Variants in CACNB2 observed in about 807,000 individuals in gnomAD.
CACNB2 encodes calcium voltage-gated channel auxiliary subunit beta 2, also known as voltage-dependent L-type calcium channel subunit beta-2.
CACNB2 carries 42 observed loss-of-function variants against 73.3 expected under a neutral mutation model. The observed-to-expected ratio is 0.57, with a 90% CI of 0.45 to 0.74. The LOEUF (loss-of-function observed/expected upper bound fraction) is 0.74. CACNB2 is among the 30% of genes least tolerant of loss of function. The pLI is 0.00. For missense variants in CACNB2, 940 were observed against 853.0 expected (o/e 1.10, Z -1.27); for synonymous variants, 348 against 310.3 (o/e 1.12, Z -1.28).
intron 2 of CACNB2, among the ~76,000 whole-genome samples, chr10:18,254,719 A>G (rs1364838053): frequency 1.3e-5 from 2 of 152,198 alleles, no homozygotes; most frequent in African/African-American, 4.8e-5. Flanking sequence ...GCAGCCAGAT[A>G]GAGATTTTGT....
At chr10:18,346,748 C>T (rs979768771) in intron 2 of CACNB2, among the ~76,000 whole-genome samples, 2 of 152,060 alleles carry the variant, frequency 1.3e-5, no homozygotes, top group African/African-American at 2.4e-5. Context: ...AGGCATGTGC[C>T]ACCGCGCCTG....
chr10:18,197,977 A>G (rs1248513933), intron 2 of CACNB2, among the ~76,000 whole-genome samples: 1 of 148,170 alleles, frequency 6.7e-6, no homozygotes, highest in Admixed American at 6.8e-5. Flanking sequence ...ACTTAATTAT[A>G]ATTAACATTA....
rs991779169 is a variant in CACNB2 at position 18,507,105 on chromosome 10, A to C, written c.670+558A>C. On this transcript the variant is annotated intron_variant, in intron 6 of 13. Transcript: ENST00000324631. ...TAAGCCACTGCACCCAGCCATATTAACCTTTAATCCCTAGTTCCTGCGATG... is the reference window on the plus strand; with the variant it reads ...TAAGCCACTGCACCCAGCCATATTACCCTTTAATCCCTAGTTCCTGCGATG... Among the ~76,000 whole-genome samples, 3 of 152,134 alleles carry C rather than the reference A, an allele frequency of 2.0e-5. No individual in the cohort carries two copies. The East Asian group carries it at 5.8e-4, about 29-fold the overall frequency.
intron 2 of CACNB2, among the ~76,000 whole-genome samples, chr10:18,193,535 C>A (rs1023806868): frequency 6.6e-6 from 1 of 152,114 alleles, no homozygotes; most frequent in African/African-American, 2.4e-5. Flanking sequence ...GAGATAGATT[C>A]CAGAAGGGCC....
chr10:18,225,533 TTTTTCTTTC>T lies in CACNB2; in HGVS notation c.213+74573_213+74581del, dbSNP rs990302463. Among the ~76,000 whole-genome samples the T allele has an allele frequency of 1.2e-4, 18 of 152,054 alleles. 1 individual carries two copies. The highest frequency in any genetic ancestry group is 5.2e-4 in the Admixed American group (8 of 15,254). Reference sequence around the variant, plus strand: ...AATTTTCTCTCTCTCTTTTCTTTTCTTTTTCTTTCTTTTCTTTCTTTTCCCTCCCTCCCT... The same window carrying T: ...AATTTTCTCTCTCTCTTTTCTTTTCTTTTTCTTTCTTTTCCCTCCCTCCCT... On this transcript the variant is annotated intron_variant, in intron 2 of 13. Coordinates refer to ENST00000324631, the MANE Select transcript of CACNB2 (RefSeq NM_201596.3).
intron 10 of CACNB2, among the ~76,000 whole-genome samples, chr10:18,531,565 TTA>T (rs2053033144): frequency 6.6e-6 from 1 of 152,200 alleles, no homozygotes; most frequent in Non-Finnish European, 1.5e-5. Context: ...ATTCCTATCT[TTA>T]TGTCTTTGAG....
intron 1 of CACNB2, chr10:18,141,063 T>A (rs1221846237): frequency 2.6e-5 from 41 of 1,547,402 alleles, no homozygotes; most frequent in Admixed American, 5.9e-5. Flanking sequence ...CATTTTTCTC[T>A]GCTTCCGAAA....
At chr10:18,221,350 T>C (rs886421659) in intron 2 of CACNB2, among the ~76,000 whole-genome samples, 3 of 152,126 alleles carry the variant, frequency 2.0e-5, no homozygotes, top group Non-Finnish European at 4.4e-5. Context: ...CTATTACTGT[T>C]CTTTCAGAAT....
intron 3 of CACNB2, among the ~76,000 whole-genome samples, chr10:18,413,063 C>A (rs181005022): frequency 6.6e-6 from 1 of 152,232 alleles, no homozygotes; most frequent in South Asian, 2.1e-4. Context: ...TTCTGCCCCC[C>A]GGGTTCAAGT....
intron 2 of CACNB2, among the ~76,000 whole-genome samples, chr10:18,355,793 G>A (rs1037486542): frequency 1.3e-5 from 2 of 151,680 alleles, no homozygotes; most frequent in South Asian, 2.1e-4. Context: ...CTGCCACCAC[G>A]CCTGCCTCAT....
intron 2 of CACNB2, among the ~76,000 whole-genome samples, chr10:18,358,681 A>G (rs1334981797): frequency 6.6e-6 from 1 of 152,138 alleles, no homozygotes; most frequent in East Asian, 1.9e-4. Context: ...TACCATATAA[A>G]TAGAGCAATA....
chr10:18,401,703 A>C (rs2044006688), intron 2 of CACNB2, among the ~76,000 whole-genome samples: 1 of 152,206 alleles, frequency 6.6e-6, no homozygotes, highest in Non-Finnish European at 1.5e-5. Context: ...TGGAATATAA[A>C]GCTTGGGAAG....
At chr10:18,157,126 T>C (rs2032113680) in intron 2 of CACNB2, among the ~76,000 whole-genome samples, 1 of 152,078 alleles carries the variant, frequency 6.6e-6, no homozygotes. Context: ...TTCTTTTAGG[T>C]TGCAGACAAA....
At chr10:18,280,562 A>G (rs1391221150) in intron 2 of CACNB2, among the ~76,000 whole-genome samples, 1 of 152,182 alleles carries the variant, frequency 6.6e-6, no homozygotes, top group Non-Finnish European at 1.5e-5. Flanking sequence ...CACAGGGAGC[A>G]TGTAGCCTCT....
chr10:18,478,089 G>A (rs995296944), intron 3 of CACNB2, among the ~76,000 whole-genome samples: 1 of 152,018 alleles, frequency 6.6e-6, no homozygotes, highest in African/African-American at 2.4e-5. Context: ...CGGCCACCAC[G>A]CTTGGCTAAT....
intron 3 of CACNB2, among the ~76,000 whole-genome samples, chr10:18,402,604 A>G (rs894318658): frequency 6.6e-6 from 1 of 152,176 alleles, no homozygotes; most frequent in Non-Finnish European, 1.5e-5. Flanking sequence ...CCATCTTAAT[A>G]AAGTGTGTAT....
At chr10:18,202,333 G>A (rs570617728) in intron 2 of CACNB2, among the ~76,000 whole-genome samples, 4 of 152,266 alleles carry the variant, frequency 2.6e-5, no homozygotes, top group East Asian at 1.9e-4. Flanking sequence ...TACACAGATC[G>A]AATTTCTAGT....
At position 18,539,738 on chromosome 10, in the gene CACNB2, G is replaced by C; in HGVS notation, c.*14G>C. 2 of 1,509,814 alleles carry C rather than the reference G, an allele frequency of 1.3e-6. No homozygotes were observed. Among genetic ancestry groups the C allele is most frequent in the Non-Finnish European group, 1.8e-6 (2 of 1,141,244 alleles). 93.5% of individuals were successfully genotyped at this position (1,509,814 alleles called of 1,614,324 possible). On this transcript the variant is annotated 3_prime_UTR_variant, in exon 14 of 14. Coordinates refer to ENST00000324631, the MANE Select transcript of CACNB2 (RefSeq NM_201596.3). Reference sequence around the variant, plus strand: ...ATCCGCCAATGAGTTTTGCCCGTTTGTGTTTTTTTTTTTTTTTTTTTGAAG... The same window carrying C: ...ATCCGCCAATGAGTTTTGCCCGTTTCTGTTTTTTTTTTTTTTTTTTTGAAG...
chr10:18,347,520 T>G (rs1405217070), intron 2 of CACNB2, among the ~76,000 whole-genome samples: 1 of 151,482 alleles, frequency 6.6e-6, no homozygotes, highest in African/African-American at 2.4e-5. Context: ...TAGCACTGGC[T>G]CCTTAGTTTT....
Sources: gnomAD v4.1 joint callset for allele counts (sites outside exome capture counted in the v4.1 genomes callset) on GRCh38, gnomAD v4.1.1 for gene constraint, MANE v1.5 for transcripts, NCBI Gene and HGNC (gene_info 2026-07-23, HGNC 2026-07-21) for gene names.